Variants in PLCH2 observed in about 807,000 individuals in gnomAD.
PLCH2 encodes the protein phospholipase C eta 2.
Under a neutral mutation model 134.7 loss-of-function variants are expected in PLCH2, and 98 were observed. That is an observed-to-expected ratio of 0.73 (90% CI 0.62 to 0.86). PLCH2 has a LOEUF of 0.86. PLCH2 is among the 40% of genes least tolerant of loss of function. The pLI, the probability that PLCH2 is intolerant of heterozygous loss-of-function variation, is 0.00. For synonymous variants in PLCH2, 974 were observed against 827.5 expected (o/e 1.18, Z -3.04); for missense variants, 1,994 against 1,986.6 (o/e 1.00, Z -0.07).
At position 2,489,836 on chromosome 1, in the gene PLCH2, T is replaced by C. The variant is rs1383341481; in HGVS notation, c.1484T>C (p.Ile495Thr). 4 of 1,613,452 alleles carry C rather than the reference T, an allele frequency of 2.5e-6. No individual in the cohort carries two copies. Among genetic ancestry groups the C allele is most frequent in the South Asian group, 1.1e-5 (1 of 91,090 alleles). The change falls in exon 10 of 22, where the codon ATT (isoleucine) becomes ACT (threonine). Residue 495 changes from isoleucine to threonine, a missense_variant. Ile to Thr is a moderately conservative substitution (Grantham distance 89). Around this residue, in one of 2 missense-constraint regions of PLCH2, gnomAD observed 1,094 missense variants for 1,234.3 expected, o/e 0.89. Transcript: ENST00000378486. ...TCTGATGAGGACAGTGCTGATGAGA[T>C]TGACGATGACTGCAAGCTCCTCAAT... ...EVSDEDSADE[I>T]DDDCKLLNGD... is the part of the protein sequence containing the mutation.
chr1:2,448,714 C>G lies in PLCH2; in HGVS notation c.115+18085C>G, dbSNP rs970961517. On this transcript the variant is annotated intron_variant, in intron 2 of 3. Coordinates refer to the PLCH2 transcript ENST00000609981. This position sits in a 1 kb window ranked among gnomAD's most constrained non-coding sequence, Gnocchi z 4.0. ...TCCCACAGGCCCCCTGGCGCAGCCT[C>G]CTGGCTCCCCACCATCCCCCCTGGT... Among the ~76,000 whole-genome samples, 14 of 151,998 alleles carry G rather than the reference C, an allele frequency of 9.2e-5. No individual in the cohort carries two copies. The highest frequency in any genetic ancestry group is 3.1e-4 in the African/African-American group (13 of 41,386).
intron 2 of PLCH2, among the ~76,000 whole-genome samples, chr1:2,440,014 G>A (rs1193032025): frequency 2.0e-5 from 3 of 152,180 alleles, no homozygotes; most frequent in Non-Finnish European, 4.4e-5. Flanking sequence ...CCAGGCAGGG[G>A]TGGGCAGGGG....
Position 2,438,209 on chromosome 1 carries a change from G to A in PLCH2, c.115+7580G>A, listed in dbSNP as rs752951043. 1.4e-4 allele frequency among the ~76,000 whole-genome samples: 22 copies of A among 152,370 alleles called. No homozygotes were observed. The East Asian group carries it at 1.9e-3, about 13-fold the overall frequency. Reference sequence around the variant, plus strand: ...GAAATGAGCAAGCGCGGAGATGAACGGCGCTCGGCAGACGGTGTGTGCTGG... The same window carrying A: ...GAAATGAGCAAGCGCGGAGATGAACAGCGCTCGGCAGACGGTGTGTGCTGG... On this transcript the variant is annotated intron_variant, in intron 2 of 3. Transcript: ENST00000609981.
chr1:2,496,162 C>T (rs1038665839), intron 13 of PLCH2, among the ~76,000 whole-genome samples: 5 of 152,184 alleles, frequency 3.3e-5, no homozygotes, highest in Admixed American at 6.5e-5. Flanking sequence ...TGTCTCATCC[C>T]GTCCCACGTG....
intron 4 of PLCH2, among the ~76,000 whole-genome samples, chr1:2,480,682 GGGGTA>G (rs1641913683): frequency 6.6e-6 from 1 of 152,204 alleles, no homozygotes; most frequent in South Asian, 2.1e-4. Context: ...AGCCTCGAGG[GGGGTA>G]CACCAGCCCT....
At chr1:2,435,978 C>CT (rs1639313347) in intron 2 of PLCH2, among the ~76,000 whole-genome samples, 1 of 139,078 alleles carries the variant, frequency 7.2e-6, no homozygotes, top group Non-Finnish European at 1.6e-5. Context: ...CTTCTTCCCT[C>CT]CTCCCTTCTC....
At chr1:2,445,212 T>C (rs1321675414) in intron 2 of PLCH2, among the ~76,000 whole-genome samples, 1 of 152,048 alleles carries the variant, frequency 6.6e-6, no homozygotes, top group Non-Finnish European at 1.5e-5. Context: ...GGCAAGTGGG[T>C]GCCTGTGGCT....
At chr1:2,417,705 C>T in the PLCH2 span, among the ~76,000 whole-genome samples, 48 of 152,302 alleles carry the variant, frequency 3.2e-4, no homozygotes, top group Non-Finnish European at 6.0e-4. Flanking sequence ...CTGGGAGCCA[C>T]CTCCTGAGGC....
Position 2,431,667 on chromosome 1 carries a change from G to A in PLCH2, c.115+1038G>A, listed in dbSNP as rs1461212435. Among the ~76,000 whole-genome samples the A allele has an allele frequency of 2.0e-5, 3 of 152,138 alleles. No homozygotes were observed. The East Asian group carries it at 5.8e-4, about 29-fold the overall frequency. ...GTCCTATATGCAGAAACAGTATCAG[G>A]TCCAGGGGCAACGGTTCCCAGGATA... On this transcript the variant is annotated intron_variant, in intron 2 of 3. Transcript: ENST00000609981.
rs967376655 is a variant in PLCH2 at position 2,439,810 on chromosome 1, G to T, written c.115+9181G>T. Among the ~76,000 whole-genome samples the T allele has an allele frequency of 2.6e-5, 4 of 152,142 alleles. No homozygotes were observed. Among genetic ancestry groups the T allele is most frequent in the African/African-American group, 9.7e-5 (4 of 41,434 alleles). On this transcript the variant is annotated intron_variant, in intron 2 of 3. Coordinates refer to the PLCH2 transcript ENST00000609981. This position sits in a 1 kb window ranked among gnomAD's most constrained non-coding sequence, Gnocchi z 4.7. ...TCTCCACTGAGGAAAGGCATTGCCT[G>T]AGAGACACCGCAGCCAGGCCTGGCT...
chr1:2,445,827 A>T (rs927995959), intron 2 of PLCH2, among the ~76,000 whole-genome samples: 1 of 152,202 alleles, frequency 6.6e-6, no homozygotes, highest in African/African-American at 2.4e-5. Context: ...TACGAGTTGT[A>T]ATTGGATTTT....
intron 21 of PLCH2, 58 bp from the exon 22 acceptor site, chr1:2,503,860 GCCTC>G: frequency 1.5e-6 from 1 of 660,184 alleles, no homozygotes; most frequent in Non-Finnish European, 2.8e-6. Flanking sequence ...CTCTCTCCCT[GCCTC>G]CCTCTCTCTC....
At position 2,504,513 on chromosome 1, in the gene PLCH2, C is replaced by T; in HGVS notation, c.3551C>T (p.Pro1184Leu). 1 of 1,612,490 alleles carries T rather than the reference C, an allele frequency of 6.2e-7. No homozygotes were observed. The highest frequency in any genetic ancestry group is 8.5e-7 in the Non-Finnish European group (1 of 1,179,700). ...GAHMGRLPPR[P>L]HSASAARPDL... ...CACATGGGACGCCTGCCCCCCAGGC[C>T]CCACTCGGCTTCGGCTGCCCGCCCA... The change falls in exon 22 of 22, where the codon CCC becomes CTC. Residue 1184 changes from proline (P) to leucine (L), a missense_variant. Coordinates refer to ENST00000378486, the MANE Select transcript of PLCH2 (RefSeq NM_014638.4).
chr1:2,489,939 G>A (rs1378555171), intron 10 of PLCH2, 72 bp downstream of exon 10: 3 of 1,116,106 alleles, frequency 2.7e-6, no homozygotes, highest in Non-Finnish European at 4.1e-6. Context: ...CGTCCTTGCT[G>A]TTGGGGCGAG....
chr1:2,422,126 G>A (rs1446635530), upstream of PLCH2, among the ~76,000 whole-genome samples: 1 of 152,008 alleles, frequency 6.6e-6, no homozygotes, highest in African/African-American at 2.4e-5. Context: ...AAAATTAGCC[G>A]GGCATGGTGG....
rs1003335126 is a variant in PLCH2 at position 2,448,718 on chromosome 1, G to A, written c.115+18089G>A. ...ACAGGCCCCCTGGCGCAGCCTCCTG[G>A]CTCCCCACCATCCCCCCTGGTGCAG... On this transcript the variant is annotated intron_variant, in intron 2 of 3. Coordinates refer to the PLCH2 transcript ENST00000609981. The surrounding 1 kb of genome is among the most constrained non-coding windows in gnomAD (Gnocchi z 4.0). Among the ~76,000 whole-genome samples the A allele has an allele frequency of 6.6e-6, 1 of 151,922 alleles. No individual in the cohort carries two copies. The highest frequency in any genetic ancestry group is 2.4e-5 in the African/African-American group (1 of 41,354).
intron 2 of PLCH2, among the ~76,000 whole-genome samples, chr1:2,438,899 G>A (rs1423774654): frequency 3.9e-5 from 6 of 152,170 alleles, no homozygotes; most frequent in Non-Finnish European, 7.4e-5. Flanking sequence ...GGCAATTCAC[G>A]GCAGCATTGA....
rs1004343184 is a variant in PLCH2 at position 2,476,355 on chromosome 1, A to G, written c.-234A>G. 2.7e-5 allele frequency: 12 copies of G among 441,720 alleles called. No homozygotes were observed. The highest frequency in any genetic ancestry group is 4.0e-5 in the Admixed American group (1 of 25,038). 27.4% of individuals were successfully genotyped at this position (441,720 alleles called of 1,614,324 possible). ...ATTCCTTGGTGGCCCTGGAGGGTGG[A>G]TAGGCTGGCCTGGGGGCCATCAGGA... On this transcript the variant is annotated 5_prime_UTR_variant, in exon 1 of 22. Transcript: ENST00000378486.
In PLCH2 at chr1:2,502,413, A is replaced by G; in HGVS notation, c.2959+4A>G. The G allele has an allele frequency of 6.5e-7, 1 of 1,544,010 alleles. No homozygotes were observed. On this transcript the variant is annotated splice_donor_region_variant and intron_variant, in intron 21 of 21. Coordinates refer to ENST00000378486, the MANE Select transcript of PLCH2 (RefSeq NM_014638.4). ...CCCGGCAGCGGCAGCCCCCGAGGTA[A>G]GGCGCCAGCTGCGGTGGCAGAGAAG... is the stretch of plus-strand genomic sequence containing the variant.
Sources: gnomAD v4.1 joint callset for allele counts (sites outside exome capture counted in the v4.1 genomes callset) on GRCh38, gnomAD v4.1.1 for gene constraint, gnomAD v4.1.1 regional missense constraint, Gnocchi (gnomAD v3.1) non-coding constraint, MANE v1.5 for transcripts, NCBI Gene and HGNC (gene_info 2026-07-23, HGNC 2026-07-21) for gene names.